GOLGA3: variants seen among roughly 807,000 people sequenced by gnomAD.
The protein encoded by GOLGA3 is golgin A3.
GOLGA3 carries 75 observed loss-of-function variants against 169.4 expected under a neutral mutation model. That is an observed-to-expected ratio of 0.44 (90% CI 0.37 to 0.54). GOLGA3 has a LOEUF of 0.54. Among genes scored for constraint, GOLGA3 ranks in the 20% least tolerant of loss-of-function variants. The pLI is 0.00. For synonymous variants in GOLGA3, 824 were observed against 822.4 expected, an observed-to-expected ratio of 1.00 and a Z score of -0.03; for missense variants, 1,899 against 1,930.0, an observed-to-expected ratio of 0.98 and a Z score of 0.30.
chr12:132,815,691 T>C (rs937425935), intron 3 of GOLGA3, among the ~76,000 whole-genome samples: 1 of 148,532 alleles, frequency 6.7e-6, no homozygotes, highest in Non-Finnish European at 1.5e-5. Flanking sequence ...AGCCCAGGAG[T>C]TCAAGACCAG....
chr12:132,828,453 A>T (rs940337193), intron 1 of GOLGA3: 1 of 152,232 alleles, frequency 6.6e-6, no homozygotes, highest in East Asian at 1.9e-4. Flanking sequence ...ACCCGACACC[A>T]TGTCACGCCT....
At chr12:132,808,901 G>GA (rs1471655871) in intron 4 of GOLGA3, among the ~76,000 whole-genome samples, 3 of 152,168 alleles carry the variant, frequency 2.0e-5, no homozygotes, top group Non-Finnish European at 2.9e-5. Flanking sequence ...GTGCGGCGAC[G>GA]AGAGTGTAGA....
rs747791074 is a variant in GOLGA3 at position 132,807,902 on chromosome 12, G to A, written c.1167C>T (p.Ser389=). 15 of 1,472,678 alleles carry A rather than the reference G, an allele frequency of 1.0e-5. No individual in the cohort carries two copies. The highest frequency in any genetic ancestry group is 1.4e-5 in the Non-Finnish European group (15 of 1,086,852). The allele number at this position is 1,472,678 out of a possible 1,614,324, so 91.2% of individuals were successfully genotyped here. A position where few individuals can be genotyped will look rare whatever the true frequency, so the allele number is the denominator to read the frequency against. The change falls in exon 5 of 24, where the codon AGC becomes AGT. Residue 389 remains serine (S), a synonymous_variant. Coordinates refer to ENST00000450791, the MANE Select transcript of GOLGA3 (RefSeq NM_001389683.1). ...GCTGTCCCCACCACCTGCTGCAGAT[G>A]CTGTCTCTCCGACTCCGCACCTCCC... ...VNGEVRSRRD[S]ICSSVSLESS...
At chr12:132,780,154 CACA>C (rs1178872739) in intron 18 of GOLGA3, among the ~76,000 whole-genome samples, 17 of 140,044 alleles carry the variant, frequency 1.2e-4, no homozygotes, top group Admixed American at 2.8e-4. Context: ...GTACAGACAT[CACA>C]ACACTTGCAT....
At chr12:132,799,677 T>G (rs1332320738) in intron 8 of GOLGA3, among the ~76,000 whole-genome samples, 1 of 151,846 alleles carries the variant, frequency 6.6e-6, no homozygotes, top group Non-Finnish European at 1.5e-5. Context: ...GGAGCCACCA[T>G]TGCTTTAAAG....
intron 22 of GOLGA3, chr12:132,774,672 T>G: frequency 2.5e-6 from 1 of 399,408 alleles, no homozygotes. Flanking sequence ...TTAAGTAAGT[T>G]TTCCAGCTTA....
At chr12:132,806,326 C>T (rs141846368) in intron 6 of GOLGA3, among the ~76,000 whole-genome samples, 237 of 152,332 alleles carry the variant, frequency 1.6e-3, no homozygotes, top group Admixed American at 2.5e-3. Context: ...AGGGGAAATG[C>T]ATCCGACGGA....
At position 132,801,781 on chromosome 12, in the gene GOLGA3, T is replaced by C. The variant is rs749979759; in HGVS notation, c.1786A>G (p.Met596Val). The C allele has an allele frequency of 1.6e-5, 25 of 1,612,290 alleles. No homozygotes were observed. Among genetic ancestry groups the C allele is most frequent in the Non-Finnish European group, 2.1e-5 (25 of 1,179,944 alleles). The change falls in exon 8 of 24, where the codon ATG becomes GTG. Residue 596 changes from methionine to valine, a missense_variant. Transcript: ENST00000450791. ...QEARVRLQGE[M>V]AHIQVGQMTQ... ...GTGGGCCGTACCTGGATGTGGGCCA[T>C]CTCACCCTGCAGCCTGACGCGGGCC...
chr12:132,812,871 T>A (rs1949784526), intron 4 of GOLGA3, among the ~76,000 whole-genome samples: 1 of 152,216 alleles, frequency 6.6e-6, no homozygotes, highest in Admixed American at 6.5e-5. Context: ...GGCAAGATGC[T>A]CCAACAGCAA....
At chr12:132,783,511 G>A (rs2045726075) in intron 16 of GOLGA3, among the ~76,000 whole-genome samples, 1 of 150,590 alleles carries the variant, frequency 6.6e-6, no homozygotes. Flanking sequence ...TGGGGAGTGG[G>A]GGGCGCCGGG....
At chr12:132,827,643 A>G (rs527607365) in intron 1 of GOLGA3, 31 of 152,222 alleles carry the variant, frequency 2.0e-4, no homozygotes, top group African/African-American at 6.0e-4. Flanking sequence ...CAATCGGGGG[A>G]AAAAAAGCTC....
Position 132,804,481 on chromosome 12 carries a change from C to A in GOLGA3, c.1597+235G>T, listed in dbSNP as rs748229125. The stretch of plus-strand genomic sequence containing the variant: ...AACCCTCACAGGCACAGTCACATGC[C>A]GACAGAGCTGTCAGCACCAGGGAGG... On this transcript the variant is annotated intron_variant, in intron 7 of 23. Coordinates refer to ENST00000450791, the MANE Select transcript of GOLGA3 (RefSeq NM_001389683.1). The surrounding 1 kb of genome is among the most constrained non-coding windows in gnomAD (Gnocchi z 4.1). Among the ~76,000 whole-genome samples the A allele has an allele frequency of 6.6e-6, 1 of 152,166 alleles. No individual in the cohort carries two copies. The highest frequency in any genetic ancestry group is 2.4e-5 in the African/African-American group (1 of 41,432).
chr12:132,780,802 T>C lies in GOLGA3; in HGVS notation c.3578A>G (p.Glu1193Gly). The stretch of plus-strand genomic sequence containing the variant: ...GAGACGGAAGGTGGCACGCACCTGC[T>C]CCTTGAGGCTGTTCACCTTCTCCTT... Reference protein sequence around the residue: ...KEKEKVNSLKEQVAAAKVEAG... With the variant: ...KEKEKVNSLKGQVAAAKVEAG... Residue 1193 changes from glutamate (E) to glycine (G), a missense_variant, in exon 18 of 24, where the codon GAG (glutamate) becomes GGG (glycine). Glu to Gly is a moderately conservative substitution (Grantham distance 98, BLOSUM62 -2). Coordinates refer to ENST00000450791, the MANE Select transcript of GOLGA3 (RefSeq NM_001389683.1). The C allele has an allele frequency of 6.3e-7, 1 of 1,599,436 alleles. No individual in the cohort carries two copies. Among genetic ancestry groups the C allele is most frequent in the Non-Finnish European group, 8.6e-7 (1 of 1,169,470 alleles).
rs967991487 is a variant in GOLGA3 at position 132,809,841 on chromosome 12, G to A, written c.520-1292C>T. Among the ~76,000 whole-genome samples the A allele has an allele frequency of 2.6e-5, 4 of 152,312 alleles. No homozygotes were observed. The South Asian group carries it at 8.3e-4, about 32-fold the overall frequency. On this transcript the variant is annotated intron_variant, in intron 4 of 23. Transcript: ENST00000450791. The stretch of plus-strand genomic sequence containing the variant: ...ATTTTATTATACTGGAACAGCCCGT[G>A]TCCTCTGTCTCTTGCCTCGGTGCCT...
At chr12:132,825,720 A>T (rs1566155736) in intron 1 of GOLGA3, 1 of 1,518,424 alleles carries the variant, frequency 6.6e-7, no homozygotes, top group Non-Finnish European at 9.1e-7. Flanking sequence ...ATTCAGACTG[A>T]GCGTGCCTAC....
intron 1 of GOLGA3, among the ~76,000 whole-genome samples, chr12:132,823,212 G>A (rs939575126): frequency 2.6e-5 from 4 of 152,244 alleles, no homozygotes; most frequent in African/African-American, 9.6e-5. Flanking sequence ...CTCTCAGCCT[G>A]CCCTGCCGGG....
intron 6 of GOLGA3, among the ~76,000 whole-genome samples, chr12:132,806,637 G>A (rs73489112): frequency 0.08 from 12,107 of 152,240 alleles, 932 homozygotes; most frequent in African/African-American, 0.19. Flanking sequence ...CGCCAGAAGC[G>A]GACAGCTGAA....
At chr12:132,787,115 A>G (rs568829308) in intron 13 of GOLGA3, among the ~76,000 whole-genome samples, 1 of 151,922 alleles carries the variant, frequency 6.6e-6, no homozygotes, top group Non-Finnish European at 1.5e-5. Flanking sequence ...CACCATGCCC[A>G]GCTAATTTTT....
Position 132,786,532 on chromosome 12 carries a change from T to A in GOLGA3, c.2930A>T (p.Lys977Met). ...ARKAITEQKQ[K>M]MRRLGSDLTS... is the part of the protein sequence containing the mutation. ...CAAGTCTGAGCCCAGCCGCCTCATC[T>A]TCTGCTTCTGTTCCGTGATGGCCCT... is the stretch of plus-strand genomic sequence containing the variant. Residue 977 changes from lysine to methionine, a missense_variant, in exon 15 of 24, where the codon AAG (lysine) becomes ATG (methionine). Transcript: ENST00000450791. The A allele has an allele frequency of 6.2e-7, 1 of 1,613,730 alleles. No individual in the cohort carries two copies. Among genetic ancestry groups the A allele is most frequent in the Non-Finnish European group, 8.5e-7 (1 of 1,179,930 alleles).
Sources: allele counts gnomAD v4.1 joint callset (sites outside exome capture counted in the v4.1 genomes callset), GRCh38; gene constraint gnomAD v4.1.1; non-coding constraint Gnocchi (gnomAD v3.1); transcripts MANE v1.5; gene names NCBI Gene and HGNC (gene_info 2026-07-23, HGNC 2026-07-21).